Variants in TPGS1 observed in about 807,000 individuals in gnomAD.
TPGS1 encodes tubulin polyglutamylase complex subunit 1, also known as gene trap ROSA b-geo 22.
In TPGS1, 18 loss-of-function variants were observed where a neutral mutation model predicts 11.9. The ratio of observed to expected loss-of-function variants is 1.51; its 90% CI spans 1.04 to 2.24. The LOEUF (loss-of-function observed/expected upper bound fraction) is 2.24. Among genes scored for constraint, TPGS1 ranks in the 30% most tolerant of loss-of-function variants. The pLI is 0.00. For synonymous variants in TPGS1, 247 were observed against 218.2 expected (o/e 1.13, Z -1.16); for missense variants, 500 against 443.0 (o/e 1.13, Z -1.16).
chr19:510,213 A>C (rs1196666621), intron 1 of TPGS1: 1 of 152,092 alleles, frequency 6.6e-6, no homozygotes, highest in Non-Finnish European at 1.5e-5. Context: ...CTCTACTAAA[A>C]ATACAAAAAA....
intron 1 of TPGS1, among the ~76,000 whole-genome samples, chr19:517,337 C>G (rs1363929158): frequency 1.7e-5 from 2 of 114,996 alleles, no homozygotes; most frequent in Non-Finnish European, 3.5e-5. Context: ...GCTGGGAAGC[C>G]AGGGCTGGAT....
At chr19:518,787 TG>T (rs1237487842) in intron 1 of TPGS1, 101 bp from the exon 2 acceptor site, 34 of 1,108,668 alleles carry the variant, frequency 3.1e-5, no homozygotes, top group South Asian at 2.8e-4. Flanking sequence ...CAGGGCTGGC[TG>T]GGGGGTCGGG....
intron 1 of TPGS1, among the ~76,000 whole-genome samples, chr19:514,393 C>A (rs1044402177): frequency 1.3e-5 from 2 of 151,486 alleles, no homozygotes; most frequent in African/African-American, 2.4e-5. Context: ...CTGCACACCG[C>A]CCCAGCATTA....
intron 1 of TPGS1, among the ~76,000 whole-genome samples, chr19:517,100 C>A (rs1978976902): frequency 2.0e-5 from 3 of 151,976 alleles, no homozygotes; most frequent in Admixed American, 6.5e-5. Flanking sequence ...ACTTCCGGCC[C>A]TGGAGGGCAG....
intron 1 of TPGS1, among the ~76,000 whole-genome samples, chr19:512,427 T>C (rs1978823593): frequency 6.6e-6 from 1 of 152,178 alleles, no homozygotes; most frequent in Non-Finnish European, 1.5e-5. Context: ...CCTCCCAAAG[T>C]GCTGGGCTCA....
rs753972948 is a variant in TPGS1, at chr19:519,004, C to G, written c.454C>G (p.Arg152Gly). ...TYSELLRRIC[R>G]DGQAPEEVVA... ...CAGCGAGCTGCTCAGGCGCATCTGCCGGGACGGCCAAGCCCCCGAGGAGGT... is the reference window on the plus strand; with the variant it reads ...CAGCGAGCTGCTCAGGCGCATCTGCGGGGACGGCCAAGCCCCCGAGGAGGT... Residue 152 changes from arginine to glycine, a missense_variant, in exon 2 of 2, where the codon CGG becomes GGG. Coordinates refer to ENST00000359315, the MANE Select transcript of TPGS1 (RefSeq NM_033513.3). The G allele has an allele frequency of 1.3e-6, 2 of 1,572,670 alleles. No homozygotes were observed. Among genetic ancestry groups the G allele is most frequent in the Non-Finnish European group, 1.7e-6 (2 of 1,166,778 alleles).
At chr19:511,787 C>G (rs751578448) in intron 1 of TPGS1, among the ~76,000 whole-genome samples, 2 of 152,356 alleles carry the variant, frequency 1.3e-5, no homozygotes, top group Admixed American at 1.3e-4. Context: ...GCTGCGAGCA[C>G]GACAGGAACC....
chr19:507,648 C>G lies in TPGS1; in HGVS notation c.142C>G (p.Leu48Val), dbSNP rs1278726155. ...FLRQVGVTEMLRAALLKVLEA... is the reference protein window; with the variant it reads ...FLRQVGVTEMVRAALLKVLEA... ...GCGGCAGGTCGGCGTGACGGAAATG[C>G]TACGTGCGGCCCTGCTGAAGGTGCT... Residue 48 changes from leucine (L) to valine (V), a missense_variant, in exon 1 of 2, where the codon CTA becomes GTA. Leu to Val is a conservative substitution (Grantham distance 32). Coordinates refer to ENST00000359315, the MANE Select transcript of TPGS1 (RefSeq NM_033513.3). The G allele has an allele frequency of 2.2e-6, 3 of 1,391,356 alleles. No homozygotes were observed. The highest frequency in any genetic ancestry group is 3.1e-5 in the Admixed American group (1 of 32,372). 86.2% of individuals were successfully genotyped at this position (1,391,356 alleles called of 1,614,324 possible). A position where few individuals can be genotyped will look rare whatever the true frequency, so the allele number is the denominator to read the frequency against.
At position 519,560 on chromosome 19, in the gene TPGS1, G is replaced by A; in HGVS notation, c.*137G>A. On this transcript the variant is annotated 3_prime_UTR_variant, in exon 2 of 2. Transcript: ENST00000359315. ...CTGCGGAGGAGGCCGGGGCTCCCAG[G>A]AAGCGGACGCCCGGTCCCCACACAG... The A allele has an allele frequency of 1.2e-6, 1 of 831,002 alleles. No individual in the cohort carries two copies. Among genetic ancestry groups the A allele is most frequent in the Non-Finnish European group, 1.6e-6 (1 of 642,556 alleles). The allele number at this position is 831,002 out of a possible 1,614,324, so 51.5% of individuals were successfully genotyped here. A position where few individuals can be genotyped will look rare whatever the true frequency, so the allele number is the denominator to read the frequency against.
chr19:519,168 G>A lies in TPGS1; in HGVS notation c.618G>A (p.Glu206=). The change falls in exon 2 of 2, where the codon GAG becomes GAA. Residue 206 remains glutamate, a synonymous_variant. Coordinates refer to ENST00000359315, the MANE Select transcript of TPGS1 (RefSeq NM_033513.3). The part of the protein sequence containing the change: ...ARAGALFQLL[E]DSAAAVADRR... ...CCGGCGCGCTCTTCCAGCTGCTGGA[G>A]GACTCGGCCGCCGCCGTGGCCGACC... is the stretch of plus-strand genomic sequence containing the variant. 4 of 1,500,784 alleles carry A rather than the reference G, an allele frequency of 2.7e-6. No individual in the cohort carries two copies. Among genetic ancestry groups the A allele is most frequent in the Non-Finnish European group, 3.5e-6 (4 of 1,132,502 alleles). The allele number at this position is 1,500,784 out of a possible 1,614,324, so 93.0% of individuals were successfully genotyped here.
In TPGS1 at chr19:519,103, A is replaced by G. The variant is rs753845639; in HGVS notation, c.553A>G (p.Thr185Ala). ...GCCGCTGAGCGTCTTCCGCGCGGGC[A>G]CACTCACCTGCTTCGTGCTGCTGGA... ...AVPLSVFRAGTLTCFVLLEFV... is the reference protein window; with the variant it reads ...AVPLSVFRAGALTCFVLLEFV... The change falls in exon 2 of 2, where the codon ACA (threonine) becomes GCA (alanine). Residue 185 changes from threonine (T) to alanine (A), a missense_variant. Transcript: ENST00000359315. The G allele has an allele frequency of 6.0e-5, 92 of 1,532,750 alleles. No homozygotes were observed. In the South Asian group the frequency reaches 8.4e-4, roughly 14 times the overall value. 94.9% of individuals were successfully genotyped at this position (1,532,750 alleles called of 1,614,324 possible).
chr19:507,864 G>A lies in TPGS1; in HGVS notation c.338+20G>A. On this transcript the variant is annotated intron_variant, in intron 1 of 1. Transcript: ENST00000359315. ...CCAGAGGTGCGCAGTGGGCCGGCTT[G>A]GGCGGGTGGGGCAGCGATGGACTTC... 7.6e-7 allele frequency: 1 copy of A among 1,311,702 alleles called. No individual in the cohort carries two copies. Among genetic ancestry groups the A allele is most frequent in the Non-Finnish European group, 9.7e-7 (1 of 1,029,924 alleles). 81.3% of individuals were successfully genotyped at this position (1,311,702 alleles called of 1,614,324 possible). A position where few individuals can be genotyped will look rare whatever the true frequency, so the allele number is the denominator to read the frequency against.
At position 519,282 on chromosome 19, in the gene TPGS1, C is replaced by T; in HGVS notation, c.732C>T (p.Gly244=). 8.4e-7 allele frequency: 1 copy of T among 1,193,222 alleles called. No individual in the cohort carries two copies. Among genetic ancestry groups the T allele is most frequent in the Non-Finnish European group, 1.0e-6 (1 of 964,654 alleles). The allele number at this position is 1,193,222 out of a possible 1,614,324, so 73.9% of individuals were successfully genotyped here. A position where few individuals can be genotyped will look rare whatever the true frequency, so the allele number is the denominator to read the frequency against. Residue 244 remains glycine, a synonymous_variant, in exon 2 of 2, where the codon GGC becomes GGT. Coordinates refer to ENST00000359315, the MANE Select transcript of TPGS1 (RefSeq NM_033513.3). The part of the protein sequence containing the change: ...AAAPARFLEA[G]SRLGPDSLAL... ...CGCCCGCGCGCTTCCTGGAGGCCGG[C>T]TCGCGCTTGGGGCCCGACAGCCTGG...
rs376974794 is a variant in TPGS1, at chr19:519,064, G to C, written c.514G>C (p.Asp172His). The part of the protein sequence containing the change: ...APLLRKVQCR[D>H]HEAVPLSVFR... The stretch of plus-strand genomic sequence containing the variant: ...GCTGCTGCGCAAGGTGCAGTGCCGT[G>C]ACCACGAGGCGGTGCCGCTGAGCGT... Residue 172 changes from aspartate to histidine, a missense_variant, in exon 2 of 2, where the codon GAC becomes CAC. Coordinates refer to ENST00000359315, the MANE Select transcript of TPGS1 (RefSeq NM_033513.3). The C allele has an allele frequency of 1.9e-6, 3 of 1,538,544 alleles. No individual in the cohort carries two copies. The highest frequency in any genetic ancestry group is 1.7e-6 in the Non-Finnish European group (2 of 1,148,784).
In TPGS1 at chr19:507,740, G is replaced by T. The variant is rs763805292; in HGVS notation, c.234G>T (p.Ser78=). 7.9e-6 allele frequency: 11 copies of T among 1,394,994 alleles called. No homozygotes were observed. The African/African-American group carries it at 9.1e-5, about 12-fold the overall frequency. 86.4% of individuals were successfully genotyped at this position (1,394,994 alleles called of 1,614,324 possible). The change falls in exon 1 of 2, where the codon TCG becomes TCT. Residue 78 remains serine (S), a synonymous_variant. Transcript: ENST00000359315. ...ACTTCGAGAACATGGGCCTGCGCTC[G>T]CCTGTAAACGGCGGCGCCGGGGAGC... is the stretch of plus-strand genomic sequence containing the variant. ...AHYFENMGLR[S]PVNGGAGEPP... is the part of the protein sequence containing the mutation.
intron 1 of TPGS1, among the ~76,000 whole-genome samples, chr19:511,965 G>A (rs1188903123): frequency 2.0e-5 from 3 of 152,118 alleles, no homozygotes; most frequent in Non-Finnish European, 4.4e-5. Flanking sequence ...TCCGCCTCCT[G>A]GGTTGACGCC....
At position 519,106 on chromosome 19, in the gene TPGS1, C is replaced by T. The variant is rs755062116; in HGVS notation, c.556C>T (p.Leu186Phe). Residue 186 changes from leucine (L) to phenylalanine (F), a missense_variant, in exon 2 of 2, where the codon CTC (leucine) becomes TTC (phenylalanine). Coordinates refer to ENST00000359315, the MANE Select transcript of TPGS1 (RefSeq NM_033513.3). ...VPLSVFRAGT[L>F]TCFVLLEFVA... ...GCTGAGCGTCTTCCGCGCGGGCACA[C>T]TCACCTGCTTCGTGCTGCTGGAGTT... The T allele has an allele frequency of 8.5e-6, 13 of 1,533,130 alleles. No homozygotes were observed. The highest frequency in any genetic ancestry group is 1.0e-5 in the Non-Finnish European group (12 of 1,146,328). The allele number at this position is 1,533,130 out of a possible 1,614,324, so 95.0% of individuals were successfully genotyped here. A position where few individuals can be genotyped will look rare whatever the true frequency, so the allele number is the denominator to read the frequency against.
At chr19:515,254 G>A (rs934253790) in intron 1 of TPGS1, among the ~76,000 whole-genome samples, 2 of 152,088 alleles carry the variant, frequency 1.3e-5, no homozygotes, top group Non-Finnish European at 2.9e-5. Context: ...TACCACCACT[G>A]GCCCCGAGCA....
intron 1 of TPGS1, chr19:510,415 C>G (rs566153837): frequency 6.6e-6 from 1 of 152,476 alleles, no homozygotes; most frequent in South Asian, 2.1e-4. Context: ...AGATTTGTCC[C>G]CACTCAGTCC....
Sources: allele counts gnomAD v4.1 joint callset (sites outside exome capture counted in the v4.1 genomes callset), GRCh38; gene constraint gnomAD v4.1.1; transcripts MANE v1.5; gene names NCBI Gene and HGNC (gene_info 2026-07-23, HGNC 2026-07-21).